The following SENP2 variants were observed in gnomAD, a reference collection of about 807,000 sequenced individuals.
The protein encoded by SENP2 is sentrin-specific protease 2.
SENP2 carries 16 observed loss-of-function variants against 86.3 expected under a neutral mutation model. The observed-to-expected ratio is 0.19, with a 90% CI of 0.13 to 0.28. The LOEUF (loss-of-function observed/expected upper bound fraction) is 0.28, where lower values mean the gene tolerates loss of function less well. SENP2 is among the 10% of genes least tolerant of loss of function. The pLI is 1.00. For synonymous variants in SENP2, 222 were observed against 238.7 expected (o/e 0.93, Z 0.64); for missense variants, 552 against 703.0 (o/e 0.79, Z 2.43).
intron 2 of SENP2, among the ~76,000 whole-genome samples, chr3:185,595,879 C>T (rs1722158308): frequency 6.6e-6 from 1 of 150,826 alleles, no homozygotes; most frequent in African/African-American, 2.4e-5. Flanking sequence ...CACCTCACTG[C>T]AACCTCTACC....
intron 14 of SENP2, among the ~76,000 whole-genome samples, chr3:185,623,079 A>G (rs1711964869): frequency 6.6e-6 from 1 of 151,754 alleles, no homozygotes; most frequent in Non-Finnish European, 1.5e-5. Flanking sequence ...AGCCTCCCAA[A>G]GTGCTGGGAT....
intron 7 of SENP2, among the ~76,000 whole-genome samples, chr3:185,610,154 CTTT>C (rs557832407): frequency 1.0e-3 from 119 of 115,070 alleles, no homozygotes; most frequent in African/African-American, 3.6e-3. Flanking sequence ...TATTATCTAG[CTTT>C]TTTTTTTTTT....
chr3:185,624,868 A>G (rs1028602543), intron 15 of SENP2, among the ~76,000 whole-genome samples: 1 of 151,192 alleles, frequency 6.6e-6, no homozygotes, highest in African/African-American at 2.4e-5. Flanking sequence ...ACTGTCTCAA[A>G]AAAAAAAAAA....
In SENP2 at chr3:185,614,667, T is replaced by C; in HGVS notation, c.1037T>C (p.Ile346Thr). 3 of 1,614,192 alleles carry C rather than the reference T, an allele frequency of 1.9e-6. No homozygotes were observed. Among genetic ancestry groups the C allele is most frequent in the Middle Eastern group, 1.6e-4 (1 of 6,062 alleles). Residue 346 changes from isoleucine (I) to threonine (T), a missense_variant, in exon 11 of 17, where the codon ATT becomes ACT. By Grantham distance (89) the Ile-to-Thr change is moderately conservative. Transcript: ENST00000296257. ...NGLLRRKVSI[I>T]ETKEKNCSGK... The stretch of plus-strand genomic sequence containing the variant: ...TTACTCAGGAGGAAAGTGTCAATAA[T>C]TGAGACAAAGGAAAAGAATTGCTCA...
intron 2 of SENP2, among the ~76,000 whole-genome samples, chr3:185,595,291 T>C (rs1722139904): frequency 6.6e-6 from 1 of 152,246 alleles, no homozygotes; most frequent in Non-Finnish European, 1.5e-5. Flanking sequence ...GATGACAGAC[T>C]GTGGGTTAAG....
intron 6 of SENP2, 127 bp downstream of exon 6, chr3:185,606,625 C>T (rs933455412): frequency 1.2e-6 from 1 of 814,286 alleles, no homozygotes; most frequent in South Asian, 2.1e-5. Context: ...ATACAGCCTC[C>T]AACAAAATGA....
At chr3:185,603,931 G>T (rs995420510) in intron 5 of SENP2, among the ~76,000 whole-genome samples, 3 of 152,138 alleles carry the variant, frequency 2.0e-5, no homozygotes, top group African/African-American at 7.2e-5. Context: ...AGACCAGCCT[G>T]GCCAACATGG....
chr3:185,611,903 T>G (rs1452883799), intron 8 of SENP2, among the ~76,000 whole-genome samples, 158 bp downstream of exon 8: 1 of 152,014 alleles, frequency 6.6e-6, no homozygotes, highest in Non-Finnish European at 1.5e-5. Flanking sequence ...ACGCCTGCAA[T>G]CCCAGCACTT....
chr3:185,598,641 A>T, intron 3 of SENP2, 96 bp downstream of exon 3: 1 of 1,256,100 alleles, frequency 8.0e-7, no homozygotes. Context: ...GTGTATAATT[A>T]CTTTTTTCCA....
intron 16 of SENP2, 21 bp from the exon 17 acceptor site, chr3:185,629,743 AATATGTAATGCGGGCGTT>A (rs766296015): frequency 2.4e-5 from 39 of 1,604,044 alleles, no homozygotes; most frequent in Non-Finnish European, 1.9e-5. Context: ...CATGCACATT[AATATGTAATGCGGGCGTT>A]GTTTATGGGG....
chr3:185,625,017 T>G (rs1379408320), intron 15 of SENP2, among the ~76,000 whole-genome samples: 1 of 152,162 alleles, frequency 6.6e-6, no homozygotes, highest in Non-Finnish European at 1.5e-5. Flanking sequence ...CTTTGTATAT[T>G]GTAGTCTCTA....
Position 185,631,434 on chromosome 3 carries a change from C to G in SENP2, c.*1590C>G, listed in dbSNP as rs1371811693. On this transcript the variant is annotated 3_prime_UTR_variant, in exon 17 of 17. Coordinates refer to ENST00000296257, the MANE Select transcript of SENP2 (RefSeq NM_021627.3). The stretch of plus-strand genomic sequence containing the variant: ...GGTTGTACCACACCTCTCCCCCCCC[C>G]CTCCCACTCCCCCTCCCTCCCTCTC... 3.2e-5 allele frequency: 1 copy of G among 31,270 alleles called. No homozygotes were observed. The highest frequency in any genetic ancestry group is 5.9e-5 in the Non-Finnish European group (1 of 17,070). 1.9% of individuals were successfully genotyped at this position (31,270 alleles called of 1,614,324 possible).
chr3:185,596,634 A>T (rs1022563294), intron 2 of SENP2, among the ~76,000 whole-genome samples: 1 of 151,966 alleles, frequency 6.6e-6, no homozygotes, highest in Non-Finnish European at 1.5e-5. Flanking sequence ...AAAAAAAAAA[A>T]AGCTGCATAT....
chr3:185,622,059 C>G (rs1170281125), intron 14 of SENP2, among the ~76,000 whole-genome samples, 154 bp downstream of exon 14: 1 of 152,148 alleles, frequency 6.6e-6, no homozygotes, highest in Non-Finnish European at 1.5e-5. Context: ...CTGATTTCAA[C>G]TGAGAAAACG....
chr3:185,620,009 CAGGTGT>C (rs1711784412), intron 13 of SENP2, among the ~76,000 whole-genome samples: 2 of 151,700 alleles, frequency 1.3e-5, no homozygotes, highest in Admixed American at 1.3e-4. Context: ...GTTGGTATTA[CAGGTGT>C]GAGCCACCAT....
At chr3:185,616,288 T>C (rs1422727340) in intron 11 of SENP2, among the ~76,000 whole-genome samples, 17 of 138,882 alleles carry the variant, frequency 1.2e-4, no homozygotes, top group African/African-American at 2.4e-4. Context: ...CTGGCCAGCA[T>C]GGTGAAACCC....
At chr3:185,603,055 G>A (rs1722400044) in intron 5 of SENP2, among the ~76,000 whole-genome samples, 1 of 151,306 alleles carries the variant, frequency 6.6e-6, no homozygotes, top group African/African-American at 2.4e-5. Context: ...AGGGACTACA[G>A]GGACATGCCA....
chr3:185,600,271 T>A (rs1722302487), intron 4 of SENP2, among the ~76,000 whole-genome samples: 1 of 152,204 alleles, frequency 6.6e-6, no homozygotes, highest in Admixed American at 6.6e-5. Context: ...GTGAGTTTTG[T>A]GTAGTCTAGT....
intron 2 of SENP2, among the ~76,000 whole-genome samples, chr3:185,595,607 A>G (rs1053676086): frequency 2.0e-4 from 31 of 152,198 alleles, no homozygotes; most frequent in African/African-American, 7.5e-4. Flanking sequence ...AGAATGGCTA[A>G]TGTGATGTTC....
Sources: allele counts gnomAD v4.1 joint callset (sites outside exome capture counted in the v4.1 genomes callset), GRCh38; gene constraint gnomAD v4.1.1; transcripts MANE v1.5; gene names NCBI Gene and HGNC (gene_info 2026-07-23, HGNC 2026-07-21).